Variants in CCSER1 observed in about 807,000 individuals in gnomAD.
The protein encoded by CCSER1 is coiled-coil serine rich protein 1.
CCSER1 carries 41 observed loss-of-function variants against 82.0 expected under a neutral mutation model. That is an observed-to-expected ratio of 0.50 (90% CI 0.39 to 0.65). The LOEUF is 0.65. CCSER1 is among the 30% of genes least tolerant of loss of function. The pLI, the probability that CCSER1 is intolerant of heterozygous loss-of-function variation, is 0.00. For synonymous variants in CCSER1, 414 were observed against 383.9 expected, an observed-to-expected ratio of 1.08 and a Z score of -0.92; for missense variants, 1,119 against 1,064.2, an observed-to-expected ratio of 1.05 and a Z score of -0.72.
At chr4:91,175,590 T>C (rs912638253) in intron 10 of CCSER1, among the ~76,000 whole-genome samples, 10 of 152,252 alleles carry the variant, frequency 6.6e-5, no homozygotes, top group African/African-American at 2.2e-4. Flanking sequence ...TGAGCATTTT[T>C]TCATGTGTCT....
At chr4:91,217,889 G>A (rs1212980977) in intron 10 of CCSER1, among the ~76,000 whole-genome samples, 1 of 152,248 alleles carries the variant, frequency 6.6e-6, no homozygotes, top group East Asian at 1.9e-4. Flanking sequence ...ACCAGACTCA[G>A]GAGCCCAGCT....
chr4:91,353,289 C>A (rs1008391172), intron 10 of CCSER1, among the ~76,000 whole-genome samples: 1 of 138,978 alleles, frequency 7.2e-6, no homozygotes, highest in South Asian at 2.6e-4. Context: ...ATGAAAGGGT[C>A]GTGATTGATT....
chr4:90,806,806 A>G (rs1394296650), intron 7 of CCSER1, among the ~76,000 whole-genome samples: 1 of 152,004 alleles, frequency 6.6e-6, no homozygotes, highest in East Asian at 1.9e-4. Context: ...TTTGGCTCAT[A>G]GAGAATTTGT....
intron 1 of CCSER1, among the ~76,000 whole-genome samples, chr4:90,257,654 A>G (rs528688284): frequency 4.8e-4 from 73 of 152,332 alleles, no homozygotes; most frequent in Non-Finnish European, 9.1e-4. Context: ...ATGTTTATTT[A>G]TTATAAGGAA....
intron 5 of CCSER1, among the ~76,000 whole-genome samples, chr4:90,576,686 A>G (rs1041773218): frequency 2.0e-5 from 3 of 152,138 alleles, no homozygotes; most frequent in Admixed American, 6.5e-5. Context: ...ATGTATTTAC[A>G]TTCTTTGGTA....
intron 8 of CCSER1, among the ~76,000 whole-genome samples, chr4:90,832,568 AT>A (rs1403418773): frequency 2.0e-5 from 3 of 152,200 alleles, no homozygotes; most frequent in Admixed American, 6.5e-5. Context: ...CCATAAAAAA[AT>A]AAAATAGTGT....
chr4:91,429,257 T>TCAAAAA (rs1754160046), intron 10 of CCSER1, among the ~76,000 whole-genome samples: 8 of 151,986 alleles, frequency 5.3e-5, no homozygotes, highest in Admixed American at 3.9e-4. Flanking sequence ...TCAGATGTTC[T>TCAAAAA]TGACTGATCG....
intron 1 of CCSER1, among the ~76,000 whole-genome samples, chr4:90,174,418 A>C (rs948708355): frequency 2.0e-5 from 3 of 152,134 alleles, no homozygotes; most frequent in African/African-American, 7.2e-5. Context: ...GAACACTGGA[A>C]TCAGCCAACA....
chr4:91,469,902 T>C (rs905210591), intron 10 of CCSER1, among the ~76,000 whole-genome samples: 1 of 152,226 alleles, frequency 6.6e-6, no homozygotes, highest in Non-Finnish European at 1.5e-5. Context: ...ACTTAAAATT[T>C]GCTTTGCTCA....
rs573338054 is a variant in CCSER1 at position 91,244,498 on chromosome 4, T to G, written c.2217+158504T>G. 1.2e-4 allele frequency among the ~76,000 whole-genome samples: 18 copies of G among 152,286 alleles called. 1 individual carries two copies. The South Asian group carries it at 3.7e-3, about 32-fold the overall frequency. Reference sequence around the variant, plus strand: ...GCAGAGAGAGAAAGTCTCTGCTTATTTGGGAGAAAGTCAGAGAAAAGAACA... The same window carrying G: ...GCAGAGAGAGAAAGTCTCTGCTTATGTGGGAGAAAGTCAGAGAAAAGAACA... On this transcript the variant is annotated intron_variant, in intron 10 of 10. Transcript: ENST00000509176.
In CCSER1 at chr4:90,309,171, T is replaced by A. The variant is rs1327820841; in HGVS notation, c.887T>A (p.Met296Lys). 1 of 1,613,960 alleles carries A rather than the reference T, an allele frequency of 6.2e-7. No individual in the cohort carries two copies. Among genetic ancestry groups the A allele is most frequent in the South Asian group, 1.1e-5 (1 of 91,088 alleles). Residue 296 changes from methionine (M) to lysine (K), a missense_variant, in exon 2 of 11, where the codon ATG becomes AAG. Physicochemically the swap from Met to Lys is moderately conservative, Grantham distance 95 (BLOSUM62 -1). Transcript: ENST00000509176. ...NFGHNDSTSQMSLNSAAVTKT... is the reference protein window; with the variant it reads ...NFGHNDSTSQKSLNSAAVTKT... Reference sequence around the variant, plus strand: ...GGCCACAATGATTCTACCTCTCAGATGTCCCTCAATTCTGCTGCTGTTACA... The same window carrying A: ...GGCCACAATGATTCTACCTCTCAGAAGTCCCTCAATTCTGCTGCTGTTACA...
At chr4:90,310,659 A>G (rs1735133958) in intron 2 of CCSER1, among the ~76,000 whole-genome samples, 1 of 152,130 alleles carries the variant, frequency 6.6e-6, no homozygotes. Flanking sequence ...ATGTGAAAAC[A>G]GGCTAAAGAA....
chr4:91,545,627 T>C (rs1383464167), intron 10 of CCSER1, among the ~76,000 whole-genome samples: 1 of 152,180 alleles, frequency 6.6e-6, no homozygotes, highest in African/African-American at 2.4e-5. Context: ...ACTTGTATAA[T>C]AACTTTCTAT....
At chr4:90,873,821 A>C (rs552049628) in intron 8 of CCSER1, among the ~76,000 whole-genome samples, 6 of 152,240 alleles carry the variant, frequency 3.9e-5, no homozygotes, top group African/African-American at 1.4e-4. Context: ...ACCTTCTTAT[A>C]CTGGTTCTAT....
At chr4:91,043,736 A>G (rs1424615442) in intron 9 of CCSER1, among the ~76,000 whole-genome samples, 1 of 151,998 alleles carries the variant, frequency 6.6e-6, no homozygotes, top group African/African-American at 2.4e-5. Context: ...GATCACAGGC[A>G]TGTGCCACCA....
At chr4:90,589,635 G>A (rs1398919278) in intron 5 of CCSER1, among the ~76,000 whole-genome samples, 1 of 151,964 alleles carries the variant, frequency 6.6e-6, no homozygotes, top group Non-Finnish European at 1.5e-5. Flanking sequence ...ATGATAAAAT[G>A]TTGCTATAAT....
At chr4:90,840,386 A>C (rs984027974) in intron 8 of CCSER1, among the ~76,000 whole-genome samples, 3 of 152,206 alleles carry the variant, frequency 2.0e-5, no homozygotes, top group African/African-American at 7.2e-5. Context: ...AGAGAAATTA[A>C]TTGGTAGCAG....
chr4:91,470,567 G>A (rs1475215264), intron 10 of CCSER1, among the ~76,000 whole-genome samples: 5 of 152,050 alleles, frequency 3.3e-5, no homozygotes, highest in African/African-American at 1.2e-4. Context: ...CCAAAGTGCT[G>A]GGATTACAGA....
At chr4:90,272,217 G>T (rs548462877) in intron 1 of CCSER1, among the ~76,000 whole-genome samples, 1 of 152,124 alleles carries the variant, frequency 6.6e-6, no homozygotes, top group East Asian at 1.9e-4. Flanking sequence ...AGTTCTGTAG[G>T]AACAATCTAT....
Sources: gnomAD v4.1 joint callset for allele counts (sites outside exome capture counted in the v4.1 genomes callset) on GRCh38, gnomAD v4.1.1 for gene constraint, MANE v1.5 for transcripts, NCBI Gene and HGNC (gene_info 2026-07-23, HGNC 2026-07-21) for gene names.